Variants in MAN1A2 observed in about 807,000 individuals in gnomAD.
MAN1A2 encodes the protein mannosidase alpha class 1A member 2.
MAN1A2 carries 26 observed loss-of-function variants against 75.7 expected under a neutral mutation model. That is an observed-to-expected ratio of 0.34 (90% CI 0.25 to 0.48). The LOEUF is 0.48. Among genes scored for constraint, MAN1A2 ranks in the 20% least tolerant of loss-of-function variants. The probability of loss-of-function intolerance (pLI) is 0.99; values close to 1 mark genes in which losing one functional copy is unlikely to be tolerated. For missense variants in MAN1A2, 562 were observed against 775.5 expected, an observed-to-expected ratio of 0.72 and a Z score of 3.27; for synonymous variants, 247 against 264.6, an observed-to-expected ratio of 0.93 and a Z score of 0.65.
intron 5 of MAN1A2, among the ~76,000 whole-genome samples, chr1:117,424,737 G>A (rs1162794276): frequency 1.3e-5 from 2 of 152,102 alleles, no homozygotes; most frequent in African/African-American, 4.8e-5. Context: ...GTAGGTCTGG[G>A]CTCTTCCTCT....
chr1:117,418,038 C>A (rs1036822248), intron 4 of MAN1A2, among the ~76,000 whole-genome samples: 1 of 152,000 alleles, frequency 6.6e-6, no homozygotes, highest in Non-Finnish European at 1.5e-5. Context: ...AGAGTAAGAT[C>A]CTCCTTCTGA....
intron 7 of MAN1A2, among the ~76,000 whole-genome samples, chr1:117,463,156 A>G (rs1039812948): frequency 1.3e-5 from 2 of 151,292 alleles, no homozygotes; most frequent in Non-Finnish European, 2.9e-5. Context: ...TAATAAAAAT[A>G]TTAAAGACAG....
intron 8 of MAN1A2, among the ~76,000 whole-genome samples, chr1:117,466,991 C>T (rs1176124692): frequency 6.6e-6 from 1 of 152,030 alleles, no homozygotes; most frequent in Non-Finnish European, 1.5e-5. Context: ...CAGGAAGGAA[C>T]CAATTGTTAT....
intron 12 of MAN1A2, among the ~76,000 whole-genome samples, chr1:117,505,554 A>G (rs1651332874): frequency 6.6e-6 from 1 of 151,266 alleles, no homozygotes; most frequent in South Asian, 2.1e-4. Flanking sequence ...AATAAAAGTG[A>G]AAAAGGTCAA....
intron 6 of MAN1A2, among the ~76,000 whole-genome samples, chr1:117,458,523 A>ATATATAT (rs1553236643): frequency 1.9e-5 from 2 of 105,608 alleles, no homozygotes; most frequent in African/African-American, 6.9e-5. Context: ...ATATATATAT[A>ATATATAT]TTTTTTTTTT....
intron 8 of MAN1A2, among the ~76,000 whole-genome samples, chr1:117,492,247 C>G: frequency 6.6e-6 from 1 of 151,952 alleles, no homozygotes; most frequent in East Asian, 1.9e-4. Context: ...TTATTGTTGT[C>G]TCATTTTAAG....
At chr1:117,474,156 C>T (rs984884481) in intron 8 of MAN1A2, among the ~76,000 whole-genome samples, 4 of 151,904 alleles carry the variant, frequency 2.6e-5, no homozygotes, top group South Asian at 4.1e-4. Flanking sequence ...TGCTTCCTTT[C>T]GTATTCAACC....
At chr1:117,504,659 G>A (rs1424847184) in intron 12 of MAN1A2, among the ~76,000 whole-genome samples, 2 of 151,200 alleles carry the variant, frequency 1.3e-5, no homozygotes, top group African/African-American at 2.4e-5. Context: ...TTTGTTTAAT[G>A]CCAATTCAGG....
chr1:117,499,265 A>C, intron 10 of MAN1A2, 117 bp from the exon 11 acceptor site: 1 of 712,932 alleles, frequency 1.4e-6, no homozygotes, highest in Non-Finnish European at 2.1e-6. Flanking sequence ...AAACAGCAAC[A>C]ATAAAAATAA....
At chr1:117,515,785 C>T (rs930125293) in intron 12 of MAN1A2, 20 of 152,114 alleles carry the variant, frequency 1.3e-4, no homozygotes, top group Admixed American at 1.3e-3. Context: ...TTTATGGAAA[C>T]AAAGTAGAAT....
At chr1:117,393,988 G>A (rs1653825704) in intron 1 of MAN1A2, among the ~76,000 whole-genome samples, 1 of 152,064 alleles carries the variant, frequency 6.6e-6, no homozygotes, top group Non-Finnish European at 1.5e-5. Flanking sequence ...CTGTCTGCTC[G>A]TAGTTTCCTT....
In MAN1A2 at chr1:117,524,203, T is replaced by C. The variant is rs1651946157; in HGVS notation, c.*1246T>C. 6.6e-6 allele frequency: 1 copy of C among 152,232 alleles called. No individual in the cohort carries two copies. 9.4% of individuals were successfully genotyped at this position (152,232 alleles called of 1,614,324 possible). ...TAAAAGAGTGTTGTAATTAATCATA[T>C]TACACTAAAATTGGGATACATCTAA... On this transcript the variant is annotated 3_prime_UTR_variant, in exon 13 of 13. Coordinates refer to ENST00000356554, the MANE Select transcript of MAN1A2 (RefSeq NM_006699.5).
intron 6 of MAN1A2, among the ~76,000 whole-genome samples, chr1:117,452,789 A>G (rs1274050675): frequency 6.6e-6 from 1 of 152,212 alleles, no homozygotes; most frequent in Admixed American, 6.5e-5. Flanking sequence ...AGCTAAGGTA[A>G]TTGTTGAAGG....
chr1:117,439,986 G>A (rs1229865471), intron 5 of MAN1A2, among the ~76,000 whole-genome samples: 1 of 152,100 alleles, frequency 6.6e-6, no homozygotes, highest in African/African-American at 2.4e-5. Flanking sequence ...ATCTTAGATA[G>A]CCATATACTG....
intron 4 of MAN1A2, among the ~76,000 whole-genome samples, chr1:117,415,433 A>C (rs568757418): frequency 9.9e-5 from 15 of 152,210 alleles, no homozygotes; most frequent in African/African-American, 3.6e-4. Context: ...TTCTCTATGT[A>C]CTTCTCTCTG....
intron 1 of MAN1A2, among the ~76,000 whole-genome samples, chr1:117,370,983 C>T (rs984752954): frequency 3.3e-5 from 5 of 152,074 alleles, no homozygotes; most frequent in African/African-American, 1.2e-4. Context: ...ATTTATGATA[C>T]TGAGAAATTT....
At chr1:117,458,227 C>T (rs1649664266) in intron 6 of MAN1A2, among the ~76,000 whole-genome samples, 1 of 151,862 alleles carries the variant, frequency 6.6e-6, no homozygotes, top group African/African-American at 2.4e-5. Flanking sequence ...GCATAGTAAA[C>T]ACTTACATTT....
At chr1:117,408,840 T>G (rs1647709156) in intron 3 of MAN1A2, among the ~76,000 whole-genome samples, 1 of 152,134 alleles carries the variant, frequency 6.6e-6, no homozygotes, top group Admixed American at 6.6e-5. Context: ...CCATTCAGTT[T>G]ATCTGTTTCA....
At chr1:117,456,419 A>G (rs1180214217) in intron 6 of MAN1A2, among the ~76,000 whole-genome samples, 1 of 151,952 alleles carries the variant, frequency 6.6e-6, no homozygotes, top group Non-Finnish European at 1.5e-5. Context: ...AAAACTATTT[A>G]ATTTTCTGAG....
Sources: allele counts gnomAD v4.1 joint callset (sites outside exome capture counted in the v4.1 genomes callset), GRCh38; gene constraint gnomAD v4.1.1; transcripts MANE v1.5; gene names NCBI Gene and HGNC (gene_info 2026-07-23, HGNC 2026-07-21).